The following PCCB variants were observed in gnomAD, a reference collection of about 807,000 sequenced individuals.
PCCB encodes the protein propionyl-CoA carboxylase subunit beta.
A neutral mutation model predicts 60.7 loss-of-function variants in PCCB; 43 were observed. The observed-to-expected ratio is 0.71, with a 90% CI of 0.55 to 0.91. The LOEUF is 0.91. PCCB is among the 40% of genes least tolerant of loss of function. PCCB has a pLI of 0.00. For missense variants in PCCB, 766 were observed against 702.8 expected (o/e 1.09, Z -1.02); for synonymous variants, 276 against 255.9 (o/e 1.08, Z -0.75).
At chr3:136,323,646 G>T (rs372139043) in intron 10 of PCCB, among the ~76,000 whole-genome samples, 1 of 152,038 alleles carries the variant, frequency 6.6e-6, no homozygotes, top group Non-Finnish European at 1.5e-5. Flanking sequence ...TGAGCCGGAC[G>T]TGGCAGAGGG....
intron 5 of PCCB, among the ~76,000 whole-genome samples, chr3:136,262,989 C>G (rs1464008429): frequency 7.2e-6 from 1 of 139,408 alleles, no homozygotes; most frequent in East Asian, 2.1e-4. Context: ...GAGTCTGGCT[C>G]TGTCTCCCAG....
chr3:136,323,427 A>G (rs891373458), intron 10 of PCCB, among the ~76,000 whole-genome samples: 4 of 152,040 alleles, frequency 2.6e-5, no homozygotes, highest in Admixed American at 6.5e-5. Flanking sequence ...AGAATTTTTC[A>G]TTATTTTCCT....
At chr3:136,268,482 T>A (rs1187817803) in intron 5 of PCCB, among the ~76,000 whole-genome samples, 1 of 151,018 alleles carries the variant, frequency 6.6e-6, no homozygotes, top group African/African-American at 2.4e-5. Context: ...TTTTTTTTTT[T>A]AGATGTAGTC....
rs769835356 is a variant in PCCB, at chr3:136,250,381, G to A, written c.6G>A (p.Ala2=). 1.3e-6 allele frequency: 2 copies of A among 1,528,392 alleles called. No homozygotes were observed. Among genetic ancestry groups the A allele is most frequent in the South Asian group, 2.5e-5 (2 of 80,346 alleles). 94.7% of individuals were successfully genotyped at this position (1,528,392 alleles called of 1,614,324 possible). The part of the protein sequence containing the change: M[A]AALRVAAVGA... ...GACGCGCCGGCACAGCAAAAATGGC[G>A]GCGGCATTACGGGTGGCGGCGGTCG... Residue 2 remains alanine (A), a synonymous_variant, in exon 1 of 15, where the codon GCG becomes GCA. Transcript: ENST00000251654.
chr3:136,282,486 C>G (rs1290066396), intron 5 of PCCB, among the ~76,000 whole-genome samples: 1 of 152,086 alleles, frequency 6.6e-6, no homozygotes, highest in East Asian at 1.9e-4. Flanking sequence ...AGTAGTTGCT[C>G]TAAGGGTTAC....
At chr3:136,300,655 A>C (rs1202606292) in intron 8 of PCCB, among the ~76,000 whole-genome samples, 1 of 152,118 alleles carries the variant, frequency 6.6e-6, no homozygotes, top group Non-Finnish European at 1.5e-5. Flanking sequence ...TGTTCTTTTA[A>C]TGTTCCAGGA....
intron 7 of PCCB, 23 bp from the exon 8 acceptor site, chr3:136,297,929 A>T (rs558665823): frequency 1.2e-6 from 2 of 1,613,972 alleles, no homozygotes; most frequent in Admixed American, 3.3e-5. Context: ...TGACTCAATC[A>T]TATATGCTCC....
intron 1 of PCCB, among the ~76,000 whole-genome samples, chr3:136,252,606 C>T (rs1292496336): frequency 6.6e-6 from 1 of 150,982 alleles, no homozygotes; most frequent in African/African-American, 2.4e-5. Context: ...TGGCTCACTG[C>T]ATCCTTGACC....
chr3:136,269,165 C>T (rs1489735742), intron 5 of PCCB, among the ~76,000 whole-genome samples: 1 of 152,104 alleles, frequency 6.6e-6, no homozygotes, highest in African/African-American at 2.4e-5. Flanking sequence ...CCTGTAATCC[C>T]AGCTACTCAG....
rs375618211 is a variant in PCCB, at chr3:136,268,193, T to C, written c.543+6128T>C. On this transcript the variant is annotated intron_variant, in intron 5 of 14. Transcript: ENST00000251654. Reference sequence around the variant, plus strand: ...GCCCAGCCAGCTTTCTTATAGTAGGTCTGTGATCCATTTTGAGTTAATTTT... The same window carrying C: ...GCCCAGCCAGCTTTCTTATAGTAGGCCTGTGATCCATTTTGAGTTAATTTT... Among the ~76,000 whole-genome samples, 16 of 147,694 alleles carry C rather than the reference T, an allele frequency of 1.1e-4. No individual in the cohort carries two copies. The East Asian group carries it at 2.8e-3, about 25-fold the overall frequency.
intron 7 of PCCB, among the ~76,000 whole-genome samples, chr3:136,295,791 A>C (rs910878087): frequency 6.6e-6 from 1 of 151,150 alleles, no homozygotes; most frequent in Non-Finnish European, 1.5e-5. Flanking sequence ...ATACACAAAC[A>C]CTTACTCAAA....
chr3:136,296,116 C>T (rs193102103), intron 7 of PCCB, among the ~76,000 whole-genome samples: 48 of 152,028 alleles, frequency 3.2e-4, no homozygotes, highest in African/African-American at 1.1e-3. Context: ...ATTCATATAC[C>T]GTATATTTTA....
chr3:136,295,598 G>A lies in PCCB; in HGVS notation c.763+1734G>A, dbSNP rs1933895154. 1.3e-5 allele frequency among the ~76,000 whole-genome samples: 2 copies of A among 152,156 alleles called. 1 individual carries two copies. The highest frequency in any genetic ancestry group is 4.1e-4 in the South Asian group (2 of 4,828). On this transcript the variant is annotated intron_variant, in intron 7 of 14. Coordinates refer to ENST00000251654, the MANE Select transcript of PCCB (RefSeq NM_000532.5). Reference sequence around the variant, plus strand: ...TATAATATAAAGCTGGGTCTTGATGGTGTCTTAGATTTGATGAAATATGCT... The same window carrying A: ...TATAATATAAAGCTGGGTCTTGATGATGTCTTAGATTTGATGAAATATGCT...
intron 3 of PCCB, among the ~76,000 whole-genome samples, chr3:136,257,460 A>G (rs1467891624): frequency 6.6e-6 from 1 of 152,236 alleles, no homozygotes; most frequent in Non-Finnish European, 1.5e-5. Context: ...TAAATTATAG[A>G]ACTATAAGAT....
intron 5 of PCCB, among the ~76,000 whole-genome samples, chr3:136,267,098 T>A (rs1025091126): frequency 1.3e-5 from 2 of 152,214 alleles, no homozygotes; most frequent in Admixed American, 1.3e-4. Context: ...TTGCCCAGGC[T>A]GGTCTTGAAC....
At chr3:136,261,089 C>CAA (rs1553774764) in intron 4 of PCCB, among the ~76,000 whole-genome samples, 13 of 151,964 alleles carry the variant, frequency 8.6e-5, no homozygotes, top group Non-Finnish European at 1.9e-4. Flanking sequence ...CATGGACTCC[C>CAA]GTTCACAGAT....
chr3:136,255,478 T>G lies in PCCB; in HGVS notation c.184-378T>G, dbSNP rs1393090994. On this transcript the variant is annotated intron_variant, in intron 1 of 14. Transcript: ENST00000251654. ...CCTGTGTCAGATCCTTCACTAAGCC[T>G]GCTTTAGTTTCCACCACCTGCTTCT... The G allele has an allele frequency of 1.9e-5, 6 of 308,542 alleles. No homozygotes were observed. In the East Asian group the frequency reaches 5.2e-4, roughly 26 times the overall value. The allele number at this position is 308,542 out of a possible 1,614,324, so 19.1% of individuals were successfully genotyped here.
chr3:136,261,207 C>G (rs1334474064), intron 4 of PCCB, among the ~76,000 whole-genome samples: 2 of 152,118 alleles, frequency 1.3e-5, no homozygotes, highest in Non-Finnish European at 2.9e-5. Flanking sequence ...TATTTAAAAA[C>G]TACTGCTAGA....
At chr3:136,287,777 A>G (rs1027794704) in intron 6 of PCCB, among the ~76,000 whole-genome samples, 1 of 152,184 alleles carries the variant, frequency 6.6e-6, no homozygotes, top group African/African-American at 2.4e-5. Flanking sequence ...TCCACTGCAG[A>G]TGGACATTTG....
Sources: allele counts gnomAD v4.1 joint callset (sites outside exome capture counted in the v4.1 genomes callset), GRCh38; gene constraint gnomAD v4.1.1; transcripts MANE v1.5; gene names NCBI Gene and HGNC (gene_info 2026-07-23, HGNC 2026-07-21).